CFAP54: variants seen among roughly 807,000 people sequenced by gnomAD.
The protein encoded by CFAP54 is cilia- and flagella-associated protein 54.
In CFAP54, 290 loss-of-function variants were observed where a neutral mutation model predicts 370.4. The observed-to-expected ratio is 0.78, with a 90% CI of 0.71 to 0.86. The LOEUF is 0.86. Among genes scored for constraint, CFAP54 ranks in the 40% least tolerant of loss-of-function variants. The pLI, the probability that CFAP54 is intolerant of heterozygous loss-of-function variation, is 0.00. For synonymous variants in CFAP54, 1,206 were observed against 1,236.5 expected (o/e 0.98, Z 0.52); for missense variants, 3,399 against 3,528.7 (o/e 0.96, Z 0.93).
intron 48 of CFAP54, among the ~76,000 whole-genome samples, chr12:96,718,066 T>C (rs1957706237): frequency 6.6e-6 from 1 of 152,164 alleles, no homozygotes; most frequent in African/African-American, 2.4e-5. Context: ...TAAAAACTAT[T>C]AATAGAATTA....
At chr12:96,861,836 C>T (rs918541794) in intron 67 of CFAP54, among the ~76,000 whole-genome samples, 1 of 152,024 alleles carries the variant, frequency 6.6e-6, no homozygotes, top group African/African-American at 2.4e-5. Context: ...GGAAAAGGAC[C>T]GTGCATTTCT....
In CFAP54 at chr12:96,658,327, A is replaced by C. The variant is rs757859473; in HGVS notation, c.5441A>C (p.Glu1814Ala). 6.2e-7 allele frequency: 1 copy of C among 1,614,020 alleles called. No homozygotes were observed. Among genetic ancestry groups the C allele is most frequent in the African/African-American group, 1.3e-5 (1 of 74,922 alleles). ...DITQQPCARY[E>A]AEYGEKITCR... ...ACCCAACAACCTTGTGCAAGGTATG[A>C]GGCTGAATATGGAGAGAAGGTAAGT... Residue 1814 changes from glutamate to alanine, a missense_variant, in exon 38 of 68, where the codon GAG becomes GCG. By Grantham distance (107) the Glu-to-Ala change is moderately radical (BLOSUM62 -1). Around this residue, in one of 3 missense-constraint regions of CFAP54, gnomAD observed 2,796 missense variants for 2,869.7 expected, o/e 0.97. Coordinates refer to ENST00000524981, the MANE Select transcript of CFAP54 (RefSeq NM_001306084.2).
At chr12:96,516,568 G>A (rs928396551) in intron 5 of CFAP54, among the ~76,000 whole-genome samples, 9 of 151,992 alleles carry the variant, frequency 5.9e-5, no homozygotes, top group African/African-American at 4.8e-5. Context: ...GAGGGCGGTC[G>A]GACTTCTGAA....
intron 25 of CFAP54, among the ~76,000 whole-genome samples, chr12:96,598,278 T>C (rs1312707195): frequency 6.6e-6 from 1 of 152,060 alleles, no homozygotes; most frequent in African/African-American, 2.4e-5. Flanking sequence ...ATATGCCATA[T>C]AAGCTTCCAT....
chr12:96,784,650 T>A, intron 60 of CFAP54, 67 bp from the exon 61 acceptor site: 3 of 1,181,962 alleles, frequency 2.5e-6, no homozygotes, highest in Non-Finnish European at 3.4e-6. Context: ...TTTTTTCTGT[T>A]CATGATTGTT....
At chr12:96,844,207 T>G (rs143850590) in intron 66 of CFAP54, among the ~76,000 whole-genome samples, 53 of 152,176 alleles carry the variant, frequency 3.5e-4, no homozygotes, top group African/African-American at 1.2e-3. Context: ...CAGATGTGAT[T>G]AAGTTAAGGA....
chr12:96,707,583 A>T (rs1047935721), intron 47 of CFAP54, among the ~76,000 whole-genome samples: 3 of 152,162 alleles, frequency 2.0e-5, no homozygotes, highest in Non-Finnish European at 4.4e-5. Flanking sequence ...TTTTTGGGTT[A>T]TTAAAATGGA....
intron 26 of CFAP54, among the ~76,000 whole-genome samples, chr12:96,612,061 C>T (rs1956364609): frequency 6.6e-6 from 1 of 152,058 alleles, no homozygotes; most frequent in African/African-American, 2.4e-5. Context: ...AGATACTCCT[C>T]AAGAAGAGCA....
intron 44 of CFAP54, among the ~76,000 whole-genome samples, chr12:96,691,836 G>T (rs1261723982): frequency 1.3e-5 from 2 of 151,578 alleles, no homozygotes; most frequent in African/African-American, 4.8e-5. Flanking sequence ...TCTCCTTTGG[G>T]GAAAGAAATC....
chr12:96,810,067 G>A (rs1431979387), intron 63 of CFAP54, among the ~76,000 whole-genome samples: 1 of 152,034 alleles, frequency 6.6e-6, no homozygotes, highest in Non-Finnish European at 1.5e-5. Context: ...AGGGAAAGGA[G>A]GAGTCTCCAG....
At chr12:96,599,471 A>G (rs1956217307) in intron 26 of CFAP54, among the ~76,000 whole-genome samples, 1 of 152,048 alleles carries the variant, frequency 6.6e-6, no homozygotes, top group African/African-American at 2.4e-5. Context: ...ATAAACATAC[A>G]TGTGCATGTG....
chr12:96,676,597 G>C (rs1957211982), intron 39 of CFAP54, among the ~76,000 whole-genome samples: 1 of 152,140 alleles, frequency 6.6e-6, no homozygotes, highest in Non-Finnish European at 1.5e-5. Flanking sequence ...TCAGGCTGGA[G>C]TGCAGCGGCA....
At chr12:96,545,202 T>A (rs1044324733) in intron 14 of CFAP54, among the ~76,000 whole-genome samples, 1 of 152,078 alleles carries the variant, frequency 6.6e-6, no homozygotes, top group Non-Finnish European at 1.5e-5. Flanking sequence ...TATGAGCCAC[T>A]GCACCCGACC....
chr12:96,580,032 T>TTTC lies in CFAP54; in HGVS notation c.2797-560_2797-558dup, dbSNP rs549592974. ...TACTGCTGTTCTTATTTAGGGGTGT[T>TTTC]TTCTTCTAGGCTTTTTCATATGTAT... On this transcript the variant is annotated intron_variant, in intron 20 of 67. Transcript: ENST00000524981. Among the ~76,000 whole-genome samples, 14 of 151,904 alleles carry TTTC rather than the reference T, an allele frequency of 9.2e-5. No homozygotes were observed. The East Asian group carries it at 1.9e-3, about 21-fold the overall frequency.
intron 3 of CFAP54, 126 bp downstream of exon 3, chr12:96,504,155 T>A: frequency 1.2e-6 from 1 of 843,596 alleles, no homozygotes; most frequent in Non-Finnish European, 1.7e-6. Context: ...ATAAGTTGCT[T>A]AATAAATACT....
intron 34 of CFAP54, among the ~76,000 whole-genome samples, chr12:96,648,574 AG>A (rs1956823169): frequency 2.1e-5 from 3 of 141,100 alleles, no homozygotes; most frequent in Non-Finnish European, 1.5e-5. Context: ...GCAGGTAAAC[AG>A]GGTTCTTTTT....
rs1270295056 is a variant in CFAP54, at chr12:96,559,531, C to A, written c.2410+4729C>A. Reference sequence around the variant, plus strand: ...CCACATAACCTTCACCTAAATCCACCAATCATGACCATTTTGCCACGTTTA... The same window carrying A: ...CCACATAACCTTCACCTAAATCCACAAATCATGACCATTTTGCCACGTTTA... On this transcript the variant is annotated intron_variant, in intron 17 of 67. Transcript: ENST00000524981. Among the ~76,000 whole-genome samples, 3 of 152,014 alleles carry A rather than the reference C, an allele frequency of 2.0e-5. No individual in the cohort carries two copies. The South Asian group carries it at 6.2e-4, about 32-fold the overall frequency.
At chr12:96,655,312 A>C (rs77661870) in intron 36 of CFAP54, among the ~76,000 whole-genome samples, 2 of 134,830 alleles carry the variant, frequency 1.5e-5, no homozygotes, top group Non-Finnish European at 3.4e-5. Context: ...GCTTCTTTGG[A>C]AAAAAAAAAA....
Position 96,594,361 on chromosome 12 carries a change from G to T in CFAP54, c.3431G>T (p.Ser1144Ile). The change falls in exon 25 of 68, where the codon AGC becomes ATC. Residue 1144 changes from serine (S) to isoleucine (I), a missense_variant. This residue lies in a region of CFAP54 where 2,796 missense variants were observed against 2,869.7 expected (regional missense o/e 0.97). Coordinates refer to ENST00000524981, the MANE Select transcript of CFAP54 (RefSeq NM_001306084.2). ...LELSNFLNDS[S>I]YALQAVTQCY... ...CTTAGCAACTTCCTAAATGATTCCA[G>T]CTATGCCCTTCAAGCTGTGACTCAA... The T allele has an allele frequency of 6.5e-7, 1 of 1,534,448 alleles. No individual in the cohort carries two copies. Among genetic ancestry groups the T allele is most frequent in the Non-Finnish European group, 8.7e-7 (1 of 1,145,572 alleles).
Sources: allele counts gnomAD v4.1 joint callset (sites outside exome capture counted in the v4.1 genomes callset), GRCh38; gene constraint gnomAD v4.1.1; regional missense constraint gnomAD v4.1.1; transcripts MANE v1.5; gene names NCBI Gene and HGNC (gene_info 2026-07-23, HGNC 2026-07-21).